TMEM150C: variants seen among roughly 807,000 people sequenced by gnomAD.
TMEM150C encodes transmembrane protein 150C, also known as tentonin 3.
A neutral mutation model predicts 29.9 loss-of-function variants in TMEM150C; 10 were observed. The observed-to-expected ratio is 0.33, with a 90% CI of 0.21 to 0.57. TMEM150C has a LOEUF of 0.57. TMEM150C is among the 20% of genes least tolerant of loss of function. TMEM150C has a pLI of 0.88. For missense variants in TMEM150C, 251 were observed against 303.6 expected (o/e 0.83, Z 1.29); for synonymous variants, 101 against 112.5 (o/e 0.90, Z 0.64).
At chr4:82,505,484 T>C (rs750554358) in intron 1 of TMEM150C, among the ~76,000 whole-genome samples, 2 of 152,258 alleles carry the variant, frequency 1.3e-5, no homozygotes. Context: ...CTTTTAGTAC[T>C]AATATGAACA....
chr4:82,539,654 G>A (rs1446366614), intron 1 of TMEM150C, among the ~76,000 whole-genome samples: 1 of 152,124 alleles, frequency 6.6e-6, no homozygotes, highest in East Asian at 1.9e-4. Flanking sequence ...GTGTTTCACC[G>A]TGTTAGCCGG....
At chr4:82,547,310 T>C (rs1157388264) in intron 1 of TMEM150C, among the ~76,000 whole-genome samples, 1 of 150,280 alleles carries the variant, frequency 6.7e-6, no homozygotes, top group Non-Finnish European at 1.5e-5. Flanking sequence ...TTTAATCAGC[T>C]GGGCGCAGTG....
intron 1 of TMEM150C, 43 bp downstream of exon 1, chr4:82,561,863 G>T: frequency 2.0e-6 from 2 of 982,972 alleles, no homozygotes; most frequent in Non-Finnish European, 2.4e-6. Flanking sequence ...ACGCCCCCTG[G>T]CTGCGCGACG....
At chr4:82,515,711 T>C (rs1724273760) in intron 1 of TMEM150C, among the ~76,000 whole-genome samples, 1 of 148,014 alleles carries the variant, frequency 6.8e-6, no homozygotes, top group African/African-American at 2.5e-5. Flanking sequence ...CATTTCTGCC[T>C]GGGCGACAGA....
chr4:82,538,204 C>A (rs1400939081), intron 1 of TMEM150C, among the ~76,000 whole-genome samples: 2 of 152,108 alleles, frequency 1.3e-5, no homozygotes, highest in Non-Finnish European at 2.9e-5. Context: ...ACTACAGGTA[C>A]CCACCACCAC....
chr4:82,542,734 G>A (rs953969012), intron 1 of TMEM150C, among the ~76,000 whole-genome samples: 1 of 152,194 alleles, frequency 6.6e-6, no homozygotes, highest in Non-Finnish European at 1.5e-5. Flanking sequence ...GTCAGTTCAA[G>A]CTCAGTCCTT....
intron 2 of TMEM150C, 32 bp from the exon 3 acceptor site, chr4:82,503,144 G>A (rs1233215790): frequency 1.4e-6 from 2 of 1,468,436 alleles, no homozygotes; most frequent in South Asian, 1.2e-5. Context: ...ATAGAACAAA[G>A]AAATTGGAAA....
At chr4:82,561,816 G>C (rs1000671264) in intron 1 of TMEM150C, 90 bp downstream of exon 1, 1 of 915,724 alleles carries the variant, frequency 1.1e-6, no homozygotes, top group Non-Finnish European at 1.3e-6. Flanking sequence ...CGCCGTCCCC[G>C]GTCTCCGCCT....
At chr4:82,525,800 T>C (rs779666059) in intron 1 of TMEM150C, among the ~76,000 whole-genome samples, 90 of 152,104 alleles carry the variant, frequency 5.9e-4, no homozygotes, top group Non-Finnish European at 1.0e-3. Context: ...GTTTGCTCCC[T>C]GGGTTGTAAA....
intron 1 of TMEM150C, among the ~76,000 whole-genome samples, chr4:82,519,924 T>G (rs1724430508): frequency 6.6e-6 from 1 of 152,178 alleles, no homozygotes; most frequent in Middle Eastern, 3.2e-3. Flanking sequence ...CGACTATGAG[T>G]AACTGAAACT....
At chr4:82,547,603 GA>G (rs994884021) in intron 1 of TMEM150C, among the ~76,000 whole-genome samples, 6 of 150,502 alleles carry the variant, frequency 4.0e-5, no homozygotes, top group African/African-American at 4.9e-5. Context: ...AAAAAAAAAA[GA>G]AAAAAAAGGT....
Position 82,503,106 on chromosome 4 carries a change from G to T in TMEM150C, c.87C>A (p.Phe29Leu). The T allele has an allele frequency of 5.6e-6, 9 of 1,601,100 alleles. No individual in the cohort carries two copies. The highest frequency in any genetic ancestry group is 6.8e-6 in the Non-Finnish European group (8 of 1,170,874). ...AAATTTTGTCATCTTCCACAGCTAT[G>T]AAGTATCTATCAAAAAAGAATAAGT... is the stretch of plus-strand genomic sequence containing the variant. ...FTSAGLWIVY[F>L]IAVEDDKILP... Residue 29 changes from phenylalanine (F) to leucine (L), a missense_variant, in exon 3 of 8, where the codon TTC (phenylalanine) becomes TTA (leucine). Transcript: ENST00000449862.
chr4:82,504,972 G>A lies in TMEM150C; in HGVS notation c.-10-305C>T, dbSNP rs541224680. 1.4e-4 allele frequency among the ~76,000 whole-genome samples: 22 copies of A among 152,286 alleles called. No homozygotes were observed. In the East Asian group the frequency reaches 4.1e-3, roughly 28 times the overall value. On this transcript the variant is annotated intron_variant, in intron 1 of 7. Coordinates refer to ENST00000449862, the MANE Select transcript of TMEM150C (RefSeq NM_001080506.3). ...GTGAACCTAGGAGGCGGAGCTTGCA[G>A]TGAGCCGAGATCGCGCCACTGTACT...
upstream of TMEM150C, chr4:82,562,026 C>G (rs1386230382): frequency 1.7e-6 from 2 of 1,155,502 alleles, no homozygotes; most frequent in Non-Finnish European, 2.2e-6. Flanking sequence ...ATCTGCTCAC[C>G]CGCCCGCCCG....
intron 1 of TMEM150C, among the ~76,000 whole-genome samples, chr4:82,507,721 CTCTCTCTTTTTTTTTTTTTTTTTT>C (rs1723974505): frequency 1.7e-5 from 1 of 59,986 alleles, no homozygotes; most frequent in African/African-American, 1.0e-4. Flanking sequence ...CTCTCTCTCT[CTCTCTCTTTTTTTTTTTTTTTTTT>C]TTTTTTTTTT....
intron 1 of TMEM150C, among the ~76,000 whole-genome samples, chr4:82,521,913 T>G (rs1395114545): frequency 6.6e-6 from 1 of 152,068 alleles, no homozygotes; most frequent in African/African-American, 2.4e-5. Flanking sequence ...AATTTGCTCT[T>G]TGGGCTGGAT....
At position 82,551,237 on chromosome 4, in the gene TMEM150C, C is replaced by G. The variant is rs1017860928; in HGVS notation, c.-11+10669G>C. On this transcript the variant is annotated intron_variant, in intron 1 of 7. Coordinates refer to ENST00000449862, the MANE Select transcript of TMEM150C (RefSeq NM_001080506.3). ...TCTTAGAAAACATTCTCCAGCACCC[C>G]CAAATTCTTTACCATGATTTTTTTT... 5.3e-5 allele frequency among the ~76,000 whole-genome samples: 8 copies of G among 152,152 alleles called. No individual in the cohort carries two copies. In the East Asian group the frequency reaches 1.5e-3, roughly 29 times the overall value.
At chr4:82,487,884 A>C (rs1723212923) in intron 7 of TMEM150C, among the ~76,000 whole-genome samples, 1 of 151,884 alleles carries the variant, frequency 6.6e-6, no homozygotes, top group South Asian at 2.1e-4. Context: ...CTTTCTTTGA[A>C]TTGATATACT....
intron 1 of TMEM150C, among the ~76,000 whole-genome samples, chr4:82,525,264 T>A (rs1724616038): frequency 6.6e-6 from 1 of 152,162 alleles, no homozygotes; most frequent in South Asian, 2.1e-4. Context: ...GAGAAAAAAA[T>A]TGTTGCATTG....
Sources: gnomAD v4.1 joint callset for allele counts (sites outside exome capture counted in the v4.1 genomes callset) on GRCh38, gnomAD v4.1.1 for gene constraint, MANE v1.5 for transcripts, NCBI Gene and HGNC (gene_info 2026-07-23, HGNC 2026-07-21) for gene names.